The following ZFHX3 variants were observed in gnomAD, a reference collection of about 807,000 sequenced individuals.
ZFHX3 encodes the protein zinc finger homeobox 3, also known as zinc finger homeobox protein 3.
ZFHX3 carries 42 observed loss-of-function variants against 279.1 expected under a neutral mutation model. That is an observed-to-expected ratio of 0.15 (90% CI 0.12 to 0.19). The LOEUF is 0.19. ZFHX3 is among the 10% of genes least tolerant of loss of function. ZFHX3 has a pLI of 1.00. For missense variants in ZFHX3, 4,981 were observed against 4,754.0 expected (o/e 1.05, Z -1.40); for synonymous variants, 2,293 against 1,957.8 (o/e 1.17, Z -4.52).
intron 5 of ZFHX3, among the ~76,000 whole-genome samples, chr16:73,167,448 T>G (rs1017348137): frequency 6.6e-6 from 1 of 152,240 alleles, no homozygotes; most frequent in South Asian, 2.1e-4. Flanking sequence ...TTGAGTGAAA[T>G]TGCTTTGCTG....
chr16:73,127,231 G>A lies in ZFHX3; in HGVS notation c.-897+3737C>T, dbSNP rs185764186. 1.8e-4 allele frequency: 143 copies of A among 794,618 alleles called. 1 individual carries two copies. In the East Asian group the frequency reaches 3.0e-3, roughly 17 times the overall value. The allele number at this position is 794,618 out of a possible 1,614,324, so 49.2% of individuals were successfully genotyped here. A position where few individuals can be genotyped will look rare whatever the true frequency, so the allele number is the denominator to read the frequency against. ...AGTCGTGCGTGAGCTGTTACACAGCGGTTAGTATCGATCAGAGCTAAAGGC... is the reference window on the plus strand; with the variant it reads ...AGTCGTGCGTGAGCTGTTACACAGCAGTTAGTATCGATCAGAGCTAAAGGC... On this transcript the variant is annotated intron_variant, in intron 7 of 17. Transcript: ENST00000641206.
intron 7 of ZFHX3, chr16:73,099,199 T>C (rs996864998): frequency 6.6e-6 from 1 of 152,130 alleles, no homozygotes; most frequent in Non-Finnish European, 1.5e-5. Flanking sequence ...GATATGCAAA[T>C]ATTCTGAGAG....
intron 1 of ZFHX3, among the ~76,000 whole-genome samples, chr16:73,754,007 T>TGTGTGTGTGTGTGC (rs2053784297): frequency 6.6e-6 from 1 of 151,948 alleles, no homozygotes; most frequent in African/African-American, 2.4e-5. Flanking sequence ...TGTGTGTGTG[T>TGTGTGTGTGTGTGC]AAAATCTGAT....
chr16:73,716,342 T>C (rs1269196562), intron 1 of ZFHX3, among the ~76,000 whole-genome samples: 1 of 152,174 alleles, frequency 6.6e-6, no homozygotes, highest in African/African-American at 2.4e-5. Flanking sequence ...CAAGATTGTT[T>C]ACAGCCACAG....
chr16:73,492,330 C>T (rs562112044), intron 2 of ZFHX3, among the ~76,000 whole-genome samples: 1 of 152,282 alleles, frequency 6.6e-6, no homozygotes, highest in East Asian at 1.9e-4. Context: ...AGACTTCGGA[C>T]TCTGATATCC....
chr16:72,801,296 C>G (rs1203051527), intron 7 of ZFHX3, among the ~76,000 whole-genome samples: 1 of 152,196 alleles, frequency 6.6e-6, no homozygotes, highest in Admixed American at 6.5e-5. Flanking sequence ...CACAACCGTA[C>G]TGCACAGACA....
intron 3 of ZFHX3, among the ~76,000 whole-genome samples, chr16:72,904,227 G>A (rs1371123174): frequency 2.0e-5 from 3 of 151,908 alleles, no homozygotes; most frequent in Admixed American, 6.6e-5. Context: ...TTAGCCGGGC[G>A]TGGTGGCAGG....
intron 4 of ZFHX3, among the ~76,000 whole-genome samples, chr16:72,859,656 C>T (rs1214493681): frequency 6.6e-6 from 1 of 152,150 alleles, no homozygotes; most frequent in Non-Finnish European, 1.5e-5. Context: ...CTCATTGGCC[C>T]CACTGGAGTA....
chr16:73,586,597 A>T (rs1460737260), intron 2 of ZFHX3, among the ~76,000 whole-genome samples: 1 of 152,234 alleles, frequency 6.6e-6, no homozygotes, highest in African/African-American at 2.4e-5. Flanking sequence ...AAAAAATAAA[A>T]TGTACTTCAT....
chr16:72,917,610 C>T (rs571604165), intron 3 of ZFHX3, among the ~76,000 whole-genome samples: 5 of 152,174 alleles, frequency 3.3e-5, no homozygotes, highest in South Asian at 2.1e-4. Flanking sequence ...AAAGGTCACA[C>T]ATTGTAAAGC....
intron 5 of ZFHX3, among the ~76,000 whole-genome samples, chr16:73,162,463 A>G (rs1597194000): frequency 6.6e-6 from 1 of 152,222 alleles, no homozygotes; most frequent in East Asian, 1.9e-4. Context: ...ATTTCATTAT[A>G]TATTCCAATG....
intron 3 of ZFHX3, among the ~76,000 whole-genome samples, chr16:72,917,552 T>C (rs1348332461): frequency 6.6e-6 from 1 of 152,230 alleles, no homozygotes; most frequent in Non-Finnish European, 1.5e-5. Context: ...GGGTGTTTGG[T>C]GCAGCTATCA....
At chr16:73,356,493 G>A (rs547295733) in intron 3 of ZFHX3, among the ~76,000 whole-genome samples, 2 of 151,988 alleles carry the variant, frequency 1.3e-5, no homozygotes, top group Non-Finnish European at 2.9e-5. Flanking sequence ...ACGCTGAGAC[G>A]GGACCCCTCA....
chr16:73,154,686 A>G (rs990794492), intron 5 of ZFHX3, among the ~76,000 whole-genome samples: 1 of 152,190 alleles, frequency 6.6e-6, no homozygotes, highest in African/African-American at 2.4e-5. Context: ...GAGGCTTTGA[A>G]AAATAGAAAT....
At chr16:73,822,492 A>G (rs1391416243) in intron 1 of ZFHX3, among the ~76,000 whole-genome samples, 1 of 151,870 alleles carries the variant, frequency 6.6e-6, no homozygotes, top group East Asian at 1.9e-4. Flanking sequence ...TCTCAGGTTG[A>G]CTGTCATTGA....
At chr16:73,273,004 C>T (rs1157191199) in intron 4 of ZFHX3, among the ~76,000 whole-genome samples, 1 of 152,164 alleles carries the variant, frequency 6.6e-6, no homozygotes, top group Non-Finnish European at 1.5e-5. Flanking sequence ...GCCTCAGTCT[C>T]TCAAAGTGCT....
chr16:73,749,458 C>T (rs550130905), intron 1 of ZFHX3, among the ~76,000 whole-genome samples: 77 of 152,288 alleles, frequency 5.1e-4, no homozygotes, highest in African/African-American at 1.8e-3. Flanking sequence ...TAATTTATTA[C>T]AGCTATTTAC....
intron 1 of ZFHX3, among the ~76,000 whole-genome samples, chr16:72,990,916 G>C (rs772756704): frequency 6.6e-6 from 1 of 151,984 alleles, no homozygotes; most frequent in South Asian, 2.1e-4. Flanking sequence ...GGAGGCGGAG[G>C]TTGCAGTGAA....
chr16:73,318,635 A>G (rs2015507585), intron 3 of ZFHX3, among the ~76,000 whole-genome samples: 7 of 152,162 alleles, frequency 4.6e-5, no homozygotes. Flanking sequence ...AAGAAACCTC[A>G]AAGTAATTTT....
Sources: allele counts gnomAD v4.1 joint callset (sites outside exome capture counted in the v4.1 genomes callset), GRCh38; gene constraint gnomAD v4.1.1; transcripts MANE v1.5; gene names NCBI Gene and HGNC (gene_info 2026-07-23, HGNC 2026-07-21).